Variants in PFKP observed in about 807,000 individuals in gnomAD.
PFKP encodes ATP-dependent 6-phosphofructokinase, platelet type.
Under a neutral mutation model 94.3 loss-of-function variants are expected in PFKP, and 101 were observed. That is an observed-to-expected ratio of 1.07 (90% CI 0.91 to 1.26). PFKP has a LOEUF of 1.26. Among genes scored for constraint, PFKP ranks in the 50% most tolerant of loss-of-function variants. The probability of loss-of-function intolerance (pLI) is 0.00; values close to 1 mark genes in which losing one functional copy is unlikely to be tolerated. For synonymous variants in PFKP, 573 were observed against 432.6 expected (o/e 1.32, Z -4.03); for missense variants, 1,145 against 1,103.3 (o/e 1.04, Z -0.53).
intron 20 of PFKP, among the ~76,000 whole-genome samples, chr10:3,135,528 G>C (rs1307411044): frequency 2.0e-5 from 3 of 152,222 alleles, no homozygotes; most frequent in East Asian, 1.9e-4. Flanking sequence ...CTGCTTTCCA[G>C]GAAGCCCTCG....
rs2131389178 is a variant in PFKP, at chr10:3,076,144, T to C, written c.113-6244T>C. ...TCATATTTTACACTGTTTTCCGTAGTAAGTCTTTGAAACCCAGTGTGTAAA... is the reference window on the plus strand; with the variant it reads ...TCATATTTTACACTGTTTTCCGTAGCAAGTCTTTGAAACCCAGTGTGTAAA... On this transcript the variant is annotated intron_variant, in intron 1 of 21. Transcript: ENST00000381125. 1.3e-5 allele frequency among the ~76,000 whole-genome samples: 2 copies of C among 152,242 alleles called. 1 individual carries two copies.
chr10:3,097,079 A>AAAAAAAAAC (rs1554765789), intron 2 of PFKP, among the ~76,000 whole-genome samples: 1 of 142,070 alleles, frequency 7.0e-6, no homozygotes, highest in East Asian at 2.0e-4. Flanking sequence ...CTCCGTCTCA[A>AAAAAAAAAC]AAAAACAAAA....
chr10:3,067,818 A>C, intron 1 of PFKP, 111 bp downstream of exon 1: 11 of 326,912 alleles, frequency 3.4e-5, no homozygotes, highest in East Asian at 1.4e-4. Flanking sequence ...GATGGGGGGG[A>C]CCCGGGGAAA....
chr10:3,093,124 G>T (rs59457014), intron 2 of PFKP, among the ~76,000 whole-genome samples: 6 of 152,094 alleles, frequency 3.9e-5, no homozygotes, highest in African/African-American at 1.5e-4. Flanking sequence ...GGGGCTGGCC[G>T]TGGAAACTAG....
Position 3,101,479 on chromosome 10 carries a change from G to C in PFKP, c.379G>C (p.Gly127Arg). ...CATCACCAACCTGTGTGTGATCGGC[G>C]GGGACGGGAGCCTCACCGGGGCCAA... is the stretch of plus-strand genomic sequence containing the variant. ...RGITNLCVIGGDGSLTGANLF... is the reference protein window; with the variant it reads ...RGITNLCVIGRDGSLTGANLF... The change falls in exon 4 of 22, where the codon GGG (glycine) becomes CGG (arginine). Residue 127 changes from glycine (G) to arginine (R), a missense_variant. Transcript: ENST00000381125. 1 of 1,605,330 alleles carries C rather than the reference G, an allele frequency of 6.2e-7. No homozygotes were observed. The highest frequency in any genetic ancestry group is 8.5e-7 in the Non-Finnish European group (1 of 1,175,598).
At chr10:3,079,478 C>G (rs1419257849) in intron 1 of PFKP, among the ~76,000 whole-genome samples, 2 of 152,082 alleles carry the variant, frequency 1.3e-5, no homozygotes, top group Non-Finnish European at 2.9e-5. Flanking sequence ...TCGTGATCTG[C>G]CCACCTAGGC....
At chr10:3,123,513 C>G (rs9423469) in intron 16 of PFKP, among the ~76,000 whole-genome samples, 101,812 of 151,442 alleles carry the variant, frequency 0.67, 34,526 homozygotes, top group South Asian at 0.75. Flanking sequence ...TGGAGTTAAG[C>G]TGCCGAGACC....
intron 4 of PFKP, among the ~76,000 whole-genome samples, chr10:3,101,972 C>T (rs532642703): frequency 9.3e-5 from 14 of 150,788 alleles, no homozygotes; most frequent in Non-Finnish European, 1.5e-4. Context: ...TGAAGTTGGG[C>T]CGGGCGCGGT....
At chr10:3,083,028 T>TA (rs576487594) in intron 2 of PFKP, among the ~76,000 whole-genome samples, 143 of 152,352 alleles carry the variant, frequency 9.4e-4, no homozygotes, top group Middle Eastern at 3.4e-3. Flanking sequence ...GCCATGTTGA[T>TA]ATCAACTTCC....
At chr10:3,069,482 T>C in intron 1 of PFKP, 1 of 1,161,852 alleles carries the variant, frequency 8.6e-7, no homozygotes, top group Non-Finnish European at 1.2e-6. Flanking sequence ...TTGAGTGACC[T>C]TACCTGGGCC....
At chr10:3,087,867 C>T (rs1047001496) in intron 2 of PFKP, among the ~76,000 whole-genome samples, 2 of 152,054 alleles carry the variant, frequency 1.3e-5, no homozygotes, top group Non-Finnish European at 2.9e-5. Context: ...GACCCTCAGA[C>T]CGCCAGGACT....
At position 3,112,291 on chromosome 10, in the gene PFKP, G is replaced by A. The variant is rs1836319160; in HGVS notation, c.1154+5G>A. ...TGCGGTTCGACTCCGAGGGAGGTGA[G>A]GTGCTTTGGAGAAAGCTCTGCCCTG... is the stretch of plus-strand genomic sequence containing the variant. On this transcript the variant is annotated splice_donor_5th_base_variant and intron_variant, in intron 11 of 21. Coordinates refer to ENST00000381125, the MANE Select transcript of PFKP (RefSeq NM_002627.5). 5 of 1,611,568 alleles carry A rather than the reference G, an allele frequency of 3.1e-6. No homozygotes were observed. Among genetic ancestry groups the A allele is most frequent in the Non-Finnish European group, 4.2e-6 (5 of 1,177,640 alleles).
intron 1 of PFKP, among the ~76,000 whole-genome samples, chr10:3,068,009 T>A (rs2131358886): frequency 6.6e-6 from 1 of 152,158 alleles, no homozygotes; most frequent in South Asian, 2.1e-4. Context: ...GGAACCTCCA[T>A]CCGGAAGATC....
At chr10:3,068,643 CGGAAG>C in intron 1 of PFKP, 1 of 984,526 alleles carries the variant, frequency 1.0e-6, no homozygotes, top group Non-Finnish European at 1.2e-6. Context: ...CATTGAAGAG[CGGAAG>C]GTGGCGGAGA....
At chr10:3,068,951 T>C (rs1831957898) in intron 1 of PFKP, among the ~76,000 whole-genome samples, 1 of 152,044 alleles carries the variant, frequency 6.6e-6, no homozygotes, top group Non-Finnish European at 1.5e-5. Context: ...CCCTGCCCAC[T>C]GCGCGGGTGA....
chr10:3,100,950 C>A (rs772256249), intron 3 of PFKP: 4 of 1,611,332 alleles, frequency 2.5e-6, no homozygotes, highest in Non-Finnish European at 3.4e-6. Flanking sequence ...GAGGGAGAAG[C>A]CTGGCTGCTG....
rs74429674 is a variant in PFKP, at chr10:3,123,146, A to G, written c.1683+3102A>G. Among the ~76,000 whole-genome samples, 850 of 152,282 alleles carry G rather than the reference A, an allele frequency of 5.6e-3. 7 individuals carry two copies. Among genetic ancestry groups the G allele is most frequent in the Middle Eastern group, 0.031 (9 of 294 alleles). Reference sequence around the variant, plus strand: ...GAGCAGAAGGAATGAGATACCTCAGAGCCGGTGTGACACGTTCTCAGGATA... The same window carrying G: ...GAGCAGAAGGAATGAGATACCTCAGGGCCGGTGTGACACGTTCTCAGGATA... On this transcript the variant is annotated intron_variant, in intron 16 of 21. Transcript: ENST00000381125.
intron 16 of PFKP, chr10:3,125,390 C>A (rs1048593659): frequency 5.6e-6 from 3 of 534,210 alleles, no homozygotes; most frequent in Non-Finnish European, 8.0e-6. Context: ...CTGGCCAGAA[C>A]AGGGTAAAAT....
At chr10:3,114,648 G>A (rs4881091) in intron 13 of PFKP, among the ~76,000 whole-genome samples, 145,592 of 152,284 alleles carry the variant, frequency 0.96, 69,875 homozygotes, top group Non-Finnish European at 1. Context: ...AGCAATGCTG[G>A]GGAAGGTGCT....
Sources: allele counts gnomAD v4.1 joint callset (sites outside exome capture counted in the v4.1 genomes callset), GRCh38; gene constraint gnomAD v4.1.1; transcripts MANE v1.5; gene names NCBI Gene and HGNC (gene_info 2026-07-23, HGNC 2026-07-21).